The following MAF variants were observed in gnomAD, a reference collection of about 807,000 sequenced individuals.
The protein encoded by MAF is transcription factor Maf.
Under a neutral mutation model 22.0 loss-of-function variants are expected in MAF, and 10 were observed. The observed-to-expected ratio is 0.45, with a 90% CI of 0.28 to 0.77. MAF has a LOEUF of 0.77. MAF is among the 30% of genes least tolerant of loss of function. MAF has a pLI of 0.12. For synonymous variants in MAF, 337 were observed against 255.8 expected (o/e 1.32, Z -3.03); for missense variants, 544 against 548.4 (o/e 0.99, Z 0.08).
chr16:79,364,091 G>C, the MAF span, among the ~76,000 whole-genome samples: 1 of 152,204 alleles, frequency 6.6e-6, no homozygotes, highest in Admixed American at 6.5e-5. Context: ...TGTCAAGACA[G>C]ATAAGGATAG....
At chr16:79,597,753 A>C in intron 1 of MAF, 1 of 612,532 alleles carries the variant, frequency 1.6e-6, no homozygotes, top group Non-Finnish European at 2.0e-6. Flanking sequence ...AGCCAAAAGG[A>C]AAAAAAAAGG....
chr16:79,549,256 G>A, the MAF span, among the ~76,000 whole-genome samples: 1 of 152,146 alleles, frequency 6.6e-6, no homozygotes. Context: ...AGTGCTGAGT[G>A]ATACATCAGC....
chr16:79,531,845 C>T, the MAF span, among the ~76,000 whole-genome samples: 1 of 151,812 alleles, frequency 6.6e-6, no homozygotes, highest in African/African-American at 2.4e-5. Context: ...GTTGGGGACC[C>T]CTGCTTGAAA....
chr16:79,229,865 G>T, the MAF span, among the ~76,000 whole-genome samples: 1 of 152,066 alleles, frequency 6.6e-6, no homozygotes, highest in South Asian at 2.1e-4. Flanking sequence ...GATTTCTGCG[G>T]CTCTGAGCTT....
the MAF span, among the ~76,000 whole-genome samples, chr16:79,432,261 G>T: frequency 2.0e-5 from 3 of 152,128 alleles, no homozygotes; most frequent in African/African-American, 2.4e-5. Context: ...TGCCATGATT[G>T]TAAGTTTCCT....
the MAF span, among the ~76,000 whole-genome samples, chr16:79,232,064 G>C: frequency 5.3e-5 from 8 of 152,008 alleles, no homozygotes; most frequent in Admixed American, 1.3e-4. Flanking sequence ...TGGAGCTCAA[G>C]TGGTAATGTG....
the MAF span, among the ~76,000 whole-genome samples, chr16:79,246,254 T>C: frequency 2.6e-5 from 4 of 152,136 alleles, no homozygotes; most frequent in African/African-American, 9.7e-5. Flanking sequence ...ATAAGCATTT[T>C]ACACTAAATC....
the MAF span, among the ~76,000 whole-genome samples, chr16:79,461,162 T>C: frequency 6.6e-6 from 1 of 152,264 alleles, no homozygotes; most frequent in South Asian, 2.1e-4. Context: ...CTGTGTTGAA[T>C]GTCATTCATC....
At position 79,599,405 on chromosome 16, in the gene MAF, G is replaced by C. The variant is rs2143810406; in HGVS notation, c.498C>G (p.Ala166=). 1.6e-5 allele frequency: 18 copies of C among 1,126,772 alleles called. No homozygotes were observed. Among genetic ancestry groups the C allele is most frequent in the Non-Finnish European group, 2.0e-5 (18 of 922,422 alleles). 69.8% of individuals were successfully genotyped at this position (1,126,772 alleles called of 1,614,324 possible). ...EMGPAAAVVS[A]VIAAAAAQSG... is the part of the protein sequence containing the mutation. ...TCTGCGCGGCGGCCGCGGCGATCAC[G>C]GCGGACACCACGGCGGCGGCGGGGC... Residue 166 remains alanine (A), a synonymous_variant, in exon 1 of 2, where the codon GCC becomes GCG. Coordinates refer to ENST00000326043, the MANE Select transcript of MAF (RefSeq NM_005360.5).
At chr16:79,502,580 A>G in the MAF span, among the ~76,000 whole-genome samples, 150,478 of 151,176 alleles carry the variant, frequency 1, 74,896 homozygotes, top group Middle Eastern at 1. Context: ...GTGAGAGGAT[A>G]GCCTGAGCCC....
At chr16:79,264,773 C>G in the MAF span, among the ~76,000 whole-genome samples, 1 of 152,298 alleles carries the variant, frequency 6.6e-6, no homozygotes, top group South Asian at 2.1e-4. Context: ...AGCAGCCCAC[C>G]TCACCCCACC....
the MAF span, among the ~76,000 whole-genome samples, chr16:79,439,249 G>C: frequency 6.6e-6 from 1 of 150,820 alleles, no homozygotes; most frequent in Non-Finnish European, 1.5e-5. Context: ...CTATGGGGTA[G>C]GTACTTACTT....
At chr16:79,234,077 T>A in the MAF span, among the ~76,000 whole-genome samples, 1 of 152,050 alleles carries the variant, frequency 6.6e-6, no homozygotes, top group South Asian at 2.1e-4. Context: ...CAGAAAGTGA[T>A]CCTGAACCCG....
the MAF span, among the ~76,000 whole-genome samples, chr16:79,287,502 G>A: frequency 1.3e-4 from 20 of 152,174 alleles, no homozygotes; most frequent in African/African-American, 4.6e-4. Flanking sequence ...GAGGCCAAGT[G>A]TTTTCCCCCA....
In MAF at chr16:79,598,721, C is replaced by T. The variant is rs186342167; in HGVS notation, c.1118+64G>A. On this transcript the variant is annotated intron_variant, in intron 1 of 1. Transcript: ENST00000326043. ...TGGCTCTAGAACTAGCAAGCCCACA[C>T]CCGAGCCGGACCCCCGCGGAGCACT... is the stretch of plus-strand genomic sequence containing the variant. 3.7e-6 allele frequency: 6 copies of T among 1,607,540 alleles called. No homozygotes were observed. In the East Asian group the frequency reaches 1.1e-4, roughly 30 times the overall value.
the MAF span, among the ~76,000 whole-genome samples, chr16:79,413,704 G>A: frequency 6.6e-6 from 1 of 152,220 alleles, no homozygotes; most frequent in East Asian, 1.9e-4. Flanking sequence ...TGTGGGATCA[G>A]GTGCCTGAAA....
At chr16:79,395,548 G>A in the MAF span, among the ~76,000 whole-genome samples, 2 of 152,142 alleles carry the variant, frequency 1.3e-5, no homozygotes, top group Admixed American at 6.5e-5. Context: ...GCACTGAGGG[G>A]CAGGAATGCC....
the MAF span, among the ~76,000 whole-genome samples, chr16:79,499,703 G>C: frequency 1.3e-5 from 2 of 152,074 alleles, no homozygotes; most frequent in African/African-American, 2.4e-5. Flanking sequence ...ACACCAAATG[G>C]GCTGGCACCT....
the MAF span, among the ~76,000 whole-genome samples, chr16:79,363,648 C>A: frequency 2.6e-5 from 4 of 152,040 alleles, no homozygotes; most frequent in Admixed American, 6.5e-5. Flanking sequence ...AATTACAATA[C>A]AACGAAATTG....
Sources: gnomAD v4.1 joint callset for allele counts (sites outside exome capture counted in the v4.1 genomes callset) on GRCh38, gnomAD v4.1.1 for gene constraint, MANE v1.5 for transcripts, NCBI Gene and HGNC (gene_info 2026-07-23, HGNC 2026-07-21) for gene names.